Variants in MAPKAP1 observed in about 807,000 individuals in gnomAD.
MAPKAP1 encodes the protein MAPK associated protein 1.
MAPKAP1 carries 20 observed loss-of-function variants against 65.7 expected under a neutral mutation model. The observed-to-expected ratio is 0.30, with a 90% CI of 0.21 to 0.44. The LOEUF (loss-of-function observed/expected upper bound fraction) is 0.44. Among genes scored for constraint, MAPKAP1 ranks in the 20% least tolerant of loss-of-function variants. The probability of loss-of-function intolerance (pLI) is 1.00; values close to 1 mark genes in which losing one functional copy is unlikely to be tolerated. For synonymous variants in MAPKAP1, 222 were observed against 244.3 expected, an observed-to-expected ratio of 0.91 and a Z score of 0.85; for missense variants, 423 against 648.0, an observed-to-expected ratio of 0.65 and a Z score of 3.77.
At position 125,585,570 on chromosome 9, in the gene MAPKAP1, C is replaced by T. The variant is rs747216426; in HGVS notation, c.656G>A (p.Arg219Gln). The T allele has an allele frequency of 6.2e-6, 10 of 1,613,950 alleles. No homozygotes were observed. The highest frequency in any genetic ancestry group is 1.1e-5 in the South Asian group (1 of 91,068). The change falls in exon 5 of 12, where the codon CGG becomes CAG. Residue 219 changes from arginine to glutamine, a missense_variant. Physicochemically the swap from Arg to Gln is conservative, Grantham distance 43 (BLOSUM62 1). This residue lies in a region of MAPKAP1 where 98 missense variants were observed against 200.5 expected (regional missense o/e 0.49). Transcript: ENST00000265960. ...AATGGATTACTTGAGCTTCGGCTCC[C>T]GTCCTTCGCTTGTATACTGCCAGCA... ...LICWQYTSEG[R>Q]EPKLNDNVSA... is the part of the protein sequence containing the mutation.
intron 8 of MAPKAP1, among the ~76,000 whole-genome samples, chr9:125,499,517 G>A (rs917066250): frequency 7.9e-5 from 12 of 152,242 alleles, no homozygotes; most frequent in South Asian, 2.1e-4. Context: ...GACTCAGAGC[G>A]TCAAAAAGTG....
In MAPKAP1 at chr9:125,487,572, T is replaced by C. The variant is rs141576042; in HGVS notation, c.1067-2989A>G. ...TTTTCTAAATATTGCAGGTATTTGA[T>C]TTGGAAAGAGGTAACAGCTCATTAT... On this transcript the variant is annotated intron_variant, in intron 8 of 11. Coordinates refer to ENST00000265960, the MANE Select transcript of MAPKAP1 (RefSeq NM_001006617.3). Among the ~76,000 whole-genome samples, 917 of 151,360 alleles carry C rather than the reference T, an allele frequency of 6.1e-3. 10 individuals carry two copies. The highest frequency in any genetic ancestry group is 0.021 in the African/African-American group (851 of 41,222).
intron 4 of MAPKAP1, among the ~76,000 whole-genome samples, chr9:125,654,107 C>T (rs1314576835): frequency 6.6e-6 from 1 of 152,118 alleles, no homozygotes; most frequent in East Asian, 1.9e-4. Flanking sequence ...GGCAGAAAAT[C>T]CACATATTTT....
rs148219627 is a variant in MAPKAP1, at chr9:125,633,537, C to G, written c.498+24114G>C. On this transcript the variant is annotated intron_variant, in intron 4 of 11. Transcript: ENST00000265960. ...GTTTCTCCTAAGCACTTTCTGATGACGAATCCACCACCAGGATTATGTGTA... is the reference window on the plus strand; with the variant it reads ...GTTTCTCCTAAGCACTTTCTGATGAGGAATCCACCACCAGGATTATGTGTA... Among the ~76,000 whole-genome samples, 3 of 152,158 alleles carry G rather than the reference C, an allele frequency of 2.0e-5. No individual in the cohort carries two copies. In the East Asian group the frequency reaches 5.8e-4, roughly 29 times the overall value.
intron 6 of MAPKAP1, among the ~76,000 whole-genome samples, chr9:125,557,080 G>C (rs1830757253): frequency 1.3e-5 from 2 of 152,176 alleles, no homozygotes; most frequent in African/African-American, 4.8e-5. Context: ...ACAGGGATGG[G>C]AGTAATTCAG....
intron 5 of MAPKAP1, among the ~76,000 whole-genome samples, chr9:125,577,091 C>A (rs13302033): frequency 2.0e-5 from 3 of 148,708 alleles, no homozygotes; most frequent in Non-Finnish European, 3.0e-5. Flanking sequence ...TCTTCCCGGC[C>A]GCCATCCCAT....
intron 7 of MAPKAP1, chr9:125,521,803 C>A: frequency 6.3e-7 from 1 of 1,593,662 alleles, no homozygotes; most frequent in Non-Finnish European, 8.6e-7. Context: ...AATGAGACTT[C>A]ATTTATCTTC....
At chr9:125,585,806 G>A in intron 4 of MAPKAP1, 79 bp from the exon 5 acceptor site, 4 of 1,376,614 alleles carry the variant, frequency 2.9e-6, no homozygotes, top group Non-Finnish European at 2.0e-6. Flanking sequence ...CCTGTGGGCA[G>A]CACAGCCATT....
At chr9:125,504,865 G>C (rs1279904266) in intron 8 of MAPKAP1, among the ~76,000 whole-genome samples, 1 of 151,986 alleles carries the variant, frequency 6.6e-6, no homozygotes, top group Non-Finnish European at 1.5e-5. Flanking sequence ...CTTGTTTAGA[G>C]GGTCAGTGGC....
At chr9:125,703,894 T>G (rs1835680606) in intron 1 of MAPKAP1, among the ~76,000 whole-genome samples, 1 of 152,182 alleles carries the variant, frequency 6.6e-6, no homozygotes. Context: ...CAAATTATCT[T>G]AGGCTGAATC....
At chr9:125,698,288 A>AATATATATAAATATATAT (rs1835461807) in intron 1 of MAPKAP1, among the ~76,000 whole-genome samples, 1 of 49,044 alleles carries the variant, frequency 2.0e-5, no homozygotes, top group Non-Finnish European at 3.4e-5. Flanking sequence ...AATATATATA[A>AATATATATAAATATATAT]ATATATATAT....
At chr9:125,645,388 C>T (rs991963844) in intron 4 of MAPKAP1, among the ~76,000 whole-genome samples, 1 of 152,190 alleles carries the variant, frequency 6.6e-6, no homozygotes, top group African/African-American at 2.4e-5. Flanking sequence ...TTAAAGACAA[C>T]TCAGGTTCAA....
At chr9:125,636,401 C>T (rs768511217) in intron 4 of MAPKAP1, among the ~76,000 whole-genome samples, 3 of 152,160 alleles carry the variant, frequency 2.0e-5, no homozygotes, top group Non-Finnish European at 1.5e-5. Context: ...AAAAAGCTAA[C>T]GCATATATAT....
At chr9:125,661,485 T>C (rs1409128317) in intron 3 of MAPKAP1, among the ~76,000 whole-genome samples, 1 of 152,036 alleles carries the variant, frequency 6.6e-6, no homozygotes, top group African/African-American at 2.4e-5. Context: ...AGCTGTAAAA[T>C]GGAATGAAGC....
Position 125,665,068 on chromosome 9 carries a change from G to A in MAPKAP1, c.349+4750C>T, listed in dbSNP as rs562235819. On this transcript the variant is annotated intron_variant, in intron 3 of 11. Transcript: ENST00000265960. Reference sequence around the variant, plus strand: ...TGTAATCCCAACACTTTGGGAGGCCGAGGCGGGCGGATCACATGAGGCCAG... The same window carrying A: ...TGTAATCCCAACACTTTGGGAGGCCAAGGCGGGCGGATCACATGAGGCCAG... 5.3e-5 allele frequency among the ~76,000 whole-genome samples: 8 copies of A among 152,274 alleles called. No individual in the cohort carries two copies. The South Asian group carries it at 1.0e-3, about 20-fold the overall frequency.
Position 125,609,197 on chromosome 9 carries a change from G to A in MAPKAP1, c.499-23470C>T, listed in dbSNP as rs140279579. Among the ~76,000 whole-genome samples the A allele has an allele frequency of 4.3e-3, 648 of 152,170 alleles. 4 individuals are homozygous for A. Among genetic ancestry groups the A allele is most frequent in the African/African-American group, 0.015 (605 of 41,520 alleles). On this transcript the variant is annotated intron_variant, in intron 4 of 11. Transcript: ENST00000265960. Reference sequence around the variant, plus strand: ...TCCAGAATTCTGGGGATGCAAAATGGTTACTTGCTGAACTGATGGGAATGA... The same window carrying A: ...TCCAGAATTCTGGGGATGCAAAATGATTACTTGCTGAACTGATGGGAATGA...
intron 1 of MAPKAP1, among the ~76,000 whole-genome samples, chr9:125,693,154 T>C (rs1835218905): frequency 6.6e-6 from 1 of 152,168 alleles, no homozygotes; most frequent in Non-Finnish European, 1.5e-5. Flanking sequence ...GGCTTACTCC[T>C]GTAATCCCAG....
intron 1 of MAPKAP1, among the ~76,000 whole-genome samples, chr9:125,704,637 G>A (rs1835704591): frequency 6.6e-6 from 1 of 152,134 alleles, no homozygotes. Context: ...AGCAGAAACT[G>A]GAATTTACCT....
At chr9:125,534,594 C>G (rs1407961723) in intron 7 of MAPKAP1, among the ~76,000 whole-genome samples, 1 of 152,198 alleles carries the variant, frequency 6.6e-6, no homozygotes, top group Non-Finnish European at 1.5e-5. Context: ...GCATTGGTGT[C>G]TCTGCTTCAT....
Sources: gnomAD v4.1 joint callset for allele counts (sites outside exome capture counted in the v4.1 genomes callset) on GRCh38, gnomAD v4.1.1 for gene constraint, gnomAD v4.1.1 regional missense constraint, MANE v1.5 for transcripts, NCBI Gene and HGNC (gene_info 2026-07-23, HGNC 2026-07-21) for gene names.